The following ANKMY1 variants were observed in gnomAD, a reference collection of about 807,000 sequenced individuals.
ANKMY1 encodes the protein ankyrin repeat and MYND domain-containing protein 1.
ANKMY1 carries 98 observed loss-of-function variants against 102.0 expected under a neutral mutation model. The ratio of observed to expected loss-of-function variants is 0.96; its 90% CI spans 0.82 to 1.14. The LOEUF (loss-of-function observed/expected upper bound fraction) is 1.14, where lower values mean the gene tolerates loss of function less well. Ranked by LOEUF, ANKMY1 falls within the 50% of genes most tolerant of loss-of-function variation. ANKMY1 has a pLI of 0.00. For synonymous variants in ANKMY1, 582 were observed against 559.9 expected (o/e 1.04, Z -0.56); for missense variants, 1,330 against 1,347.6 (o/e 0.99, Z 0.20).
rs370795029 is a variant in ANKMY1, at chr2:240,512,963, C to T, written c.2005-21G>A. On this transcript the variant is annotated intron_variant, in intron 9 of 17. Transcript: ENST00000401804. ...CTCAGCTGCAGAGGAAACACCGGGGCGGGCAGTGAGGCACATTCTCGTAGG... is the reference window on the plus strand; with the variant it reads ...CTCAGCTGCAGAGGAAACACCGGGGTGGGCAGTGAGGCACATTCTCGTAGG... 3.5e-5 allele frequency: 56 copies of T among 1,605,098 alleles called. 1 individual carries two copies. In the Middle Eastern group the frequency reaches 6.6e-4, roughly 19 times the overall value.
At chr2:240,487,687 G>T (rs79968777) in intron 15 of ANKMY1, among the ~76,000 whole-genome samples, 44,068 of 151,880 alleles carry the variant, frequency 0.29, 6,647 homozygotes, top group Non-Finnish European at 0.32. Flanking sequence ...TTTCTCTGAT[G>T]ATTAGTGATG....
intron 9 of ANKMY1, among the ~76,000 whole-genome samples, chr2:240,516,046 G>GA (rs200824009): frequency 3.4e-5 from 5 of 149,024 alleles, no homozygotes; most frequent in East Asian, 1.9e-4. Flanking sequence ...AAACTGCAGG[G>GA]AAAAAAAAAG....
At chr2:240,517,385 G>A (rs1358425163) in intron 9 of ANKMY1, among the ~76,000 whole-genome samples, 1 of 152,186 alleles carries the variant, frequency 6.6e-6, no homozygotes, top group Non-Finnish European at 1.5e-5. Flanking sequence ...TGAGAAGACT[G>A]GTTCTCCCAA....
At chr2:240,560,727 G>GT, upstream of ANKMY1, 1 of 1,522,548 alleles carries the variant, frequency 6.6e-7, no homozygotes, top group Non-Finnish European at 8.7e-7. Flanking sequence ...CGCCTCGCCC[G>GT]TACCTCCACC....
intron 9 of ANKMY1, among the ~76,000 whole-genome samples, chr2:240,516,789 T>C (rs1447230866): frequency 2.0e-5 from 3 of 152,232 alleles, no homozygotes; most frequent in Admixed American, 6.5e-5. Context: ...TCCAGGACTC[T>C]AACTAAAAAG....
At chr2:240,553,472 C>T (rs1431597624) in intron 3 of ANKMY1, 2 of 222,978 alleles carry the variant, frequency 9.0e-6, no homozygotes, top group Non-Finnish European at 1.8e-5. Context: ...TGGCTGTAGG[C>T]CCCAGTAGGC....
At chr2:240,501,165 G>C (rs1355502690) in intron 13 of ANKMY1, among the ~76,000 whole-genome samples, 3 of 151,888 alleles carry the variant, frequency 2.0e-5, no homozygotes, top group African/African-American at 7.3e-5. Flanking sequence ...GTGGATATGT[G>C]CATGCATGTT....
chr2:240,487,800 CA>C (rs1264919862), intron 15 of ANKMY1, among the ~76,000 whole-genome samples: 2 of 152,026 alleles, frequency 1.3e-5, no homozygotes, highest in African/African-American at 4.8e-5. Context: ...AATGTCAATT[CA>C]TGTCATTTAC....
At position 240,520,560 on chromosome 2, in the gene ANKMY1, C is replaced by A; in HGVS notation, c.1833-27G>T. 1 of 1,596,914 alleles carries A rather than the reference C, an allele frequency of 6.3e-7. No individual in the cohort carries two copies. Among genetic ancestry groups the A allele is most frequent in the Non-Finnish European group, 8.5e-7 (1 of 1,171,246 alleles). On this transcript the variant is annotated intron_variant, in intron 8 of 17. Coordinates refer to ENST00000401804, the MANE Select transcript of ANKMY1 (RefSeq NM_001282771.3). The surrounding 1 kb of genome is among the most constrained non-coding windows in gnomAD (Gnocchi z 4.8). ...TGAAAAAGACGGTGCGCCCGTGGGC[C>A]CCTGGAGGGCAGGCACCTGCACTGC...
chr2:240,468,812 G>C, the ANKMY1 span, among the ~76,000 whole-genome samples: 1 of 152,142 alleles, frequency 6.6e-6, no homozygotes, highest in Admixed American at 6.5e-5. Flanking sequence ...ACCCCAGGAG[G>C]GAGATGCAGC....
chr2:240,501,097 T>C (rs574730381), intron 13 of ANKMY1, among the ~76,000 whole-genome samples: 27 of 151,480 alleles, frequency 1.8e-4, no homozygotes, highest in African/African-American at 5.8e-4. Context: ...CCTGCGTGTA[T>C]GTGGGTGTGT....
chr2:240,514,648 C>T (rs2080862169), intron 9 of ANKMY1, among the ~76,000 whole-genome samples: 1 of 152,248 alleles, frequency 6.6e-6, no homozygotes. Context: ...TCCAATGACA[C>T]TCTGCAGAGA....
At chr2:240,518,187 C>A (rs79594281) in intron 9 of ANKMY1, among the ~76,000 whole-genome samples, 6,992 of 152,204 alleles carry the variant, frequency 0.046, 246 homozygotes, top group Middle Eastern at 0.15. Context: ...CCCTTCCATT[C>A]TTTAAAACTT....
downstream of ANKMY1, among the ~76,000 whole-genome samples, chr2:240,478,772 ACAAGCCAG>A (rs1418126296): frequency 1.3e-5 from 2 of 149,872 alleles, no homozygotes; most frequent in African/African-American, 2.4e-5. Context: ...TTTGACAGCC[ACAAGCCAG>A]CCTGGAGCGG....
Position 240,520,218 on chromosome 2 carries a change from G to T in ANKMY1, c.2004+144C>A. On this transcript the variant is annotated intron_variant, in intron 9 of 17. Transcript: ENST00000401804. The surrounding 1 kb of genome is among the most constrained non-coding windows in gnomAD (Gnocchi z 4.8). The stretch of plus-strand genomic sequence containing the variant: ...GCGGGCTGTGGGACCCCCCACTGCG[G>T]CGCGCCGTCATCACTCACAGCCCAG... 8.0e-7 allele frequency: 1 copy of T among 1,251,960 alleles called. No homozygotes were observed. Among genetic ancestry groups the T allele is most frequent in the Non-Finnish European group, 1.1e-6 (1 of 877,468 alleles). 77.6% of individuals were successfully genotyped at this position (1,251,960 alleles called of 1,614,324 possible).
chr2:240,561,029 C>T, upstream of ANKMY1: 2 of 1,534,220 alleles, frequency 1.3e-6, no homozygotes, highest in Non-Finnish European at 8.7e-7. Context: ...CCGTCTGCAC[C>T]GCGTACCTCA....
intron 15 of ANKMY1, among the ~76,000 whole-genome samples, chr2:240,483,447 G>C (rs564083244): frequency 6.6e-6 from 1 of 152,112 alleles, no homozygotes; most frequent in Non-Finnish European, 1.5e-5. Context: ...GTGAGCCACC[G>C]CATCTGGCCT....
At chr2:240,509,276 C>T (rs1178045992) in intron 12 of ANKMY1, 72 bp downstream of exon 12, 12 of 1,253,824 alleles carry the variant, frequency 9.6e-6, no homozygotes, top group Admixed American at 4.5e-5. Flanking sequence ...ATCCCAATGA[C>T]GGACTGGTGG....
At position 240,529,355 on chromosome 2, in the gene ANKMY1, C is replaced by G. The variant is rs74001686; in HGVS notation, c.635G>C (p.Ser212Thr). Residue 212 changes from serine (S) to threonine (T), a missense_variant, in exon 5 of 18, where the codon AGC becomes ACC. Physicochemically the swap from Ser to Thr is moderately conservative, Grantham distance 58. Transcript: ENST00000401804. This position sits in a 1 kb window ranked among gnomAD's most constrained non-coding sequence, Gnocchi z 4.2. ...FSLLRYPEFS[S>T]FITHSPARIS... ...CCTGGCAGGGCTGTGGGTGATGAAG[C>G]TGGAGAACTCAGGGTATCTGAGGAG... 1,169 of 1,614,170 alleles carry G rather than the reference C, an allele frequency of 7.2e-4. 5 individuals are homozygous for G. The African/African-American group carries it at 0.014, about 20-fold the overall frequency.
Sources: gnomAD v4.1 joint callset for allele counts (sites outside exome capture counted in the v4.1 genomes callset) on GRCh38, gnomAD v4.1.1 for gene constraint, Gnocchi (gnomAD v3.1) non-coding constraint, MANE v1.5 for transcripts, NCBI Gene and HGNC (gene_info 2026-07-23, HGNC 2026-07-21) for gene names.